TRPC4: variants seen among roughly 807,000 people sequenced by gnomAD.
TRPC4 encodes the protein transient receptor potential cation channel subfamily C member 4.
TRPC4 carries 49 observed loss-of-function variants against 99.4 expected under a neutral mutation model. The ratio of observed to expected loss-of-function variants is 0.49; its 90% CI spans 0.39 to 0.63. TRPC4 has a LOEUF of 0.63. Among genes scored for constraint, TRPC4 ranks in the 20% least tolerant of loss-of-function variants. TRPC4 has a pLI of 0.00. For synonymous variants in TRPC4, 454 were observed against 425.9 expected (o/e 1.07, Z -0.81); for missense variants, 898 against 1,152.9 (o/e 0.78, Z 3.20).
Position 37,633,415 on chromosome 13 carries a change from A to T in TRPC4, c.*3488T>A, listed in dbSNP as rs1728213227. Among the ~76,000 whole-genome samples the T allele has an allele frequency of 6.6e-6, 1 of 152,186 alleles. No homozygotes were observed. ...TACAATGCATGAGGACTAAGAATGGACAGATTTCAAAACTTGGTGGCCTCT... is the reference window on the plus strand; with the variant it reads ...TACAATGCATGAGGACTAAGAATGGTCAGATTTCAAAACTTGGTGGCCTCT... On this transcript the variant is annotated 3_prime_UTR_variant, in exon 11 of 11. Coordinates refer to ENST00000379705, the MANE Select transcript of TRPC4 (RefSeq NM_016179.4).
chr13:37,784,971 A>G (rs1009057041), intron 1 of TRPC4, among the ~76,000 whole-genome samples: 3 of 152,122 alleles, frequency 2.0e-5, no homozygotes, highest in African/African-American at 7.2e-5. Flanking sequence ...ACCTTCACAG[A>G]CTAAGCAAAA....
intron 2 of TRPC4, among the ~76,000 whole-genome samples, chr13:37,773,152 C>T (rs181087181): frequency 1.1e-3 from 170 of 151,812 alleles, no homozygotes; most frequent in African/African-American, 3.9e-3. Flanking sequence ...AAAGAACTCT[C>T]TATACTGCTT....
chr13:37,762,837 T>C lies in TRPC4; in HGVS notation c.379-16382A>G, dbSNP rs1956261165. 6.0e-5 allele frequency among the ~76,000 whole-genome samples: 9 copies of C among 150,994 alleles called. 1 individual carries two copies. In the South Asian group the frequency reaches 1.9e-3, roughly 32 times the overall value. The stretch of plus-strand genomic sequence containing the variant: ...ACATATGTAACTAACCTGCACATTG[T>C]GCACATGTACCCTAAAACTTAAAGT... On this transcript the variant is annotated intron_variant, in intron 2 of 10. Coordinates refer to ENST00000379705, the MANE Select transcript of TRPC4 (RefSeq NM_016179.4).
intron 1 of TRPC4, among the ~76,000 whole-genome samples, chr13:37,804,989 C>A (rs1448659372): frequency 6.6e-6 from 1 of 151,930 alleles, no homozygotes; most frequent in Non-Finnish European, 1.5e-5. Flanking sequence ...ATGATATTCT[C>A]AAATGGTTGA....
chr13:37,784,822 G>T (rs1956930572), intron 1 of TRPC4, among the ~76,000 whole-genome samples: 1 of 151,788 alleles, frequency 6.6e-6, no homozygotes, highest in Non-Finnish European at 1.5e-5. Context: ...AATTATCAAG[G>T]AATTAATTTT....
chr13:37,819,888 TA>T (rs1403618792), intron 1 of TRPC4, among the ~76,000 whole-genome samples: 1 of 145,690 alleles, frequency 6.9e-6, no homozygotes, highest in East Asian at 2.0e-4. Context: ...CTAGAGGAAC[TA>T]AAAAAACAAG....
At chr13:37,842,077 C>T (rs1440027803) in intron 1 of TRPC4, among the ~76,000 whole-genome samples, 1 of 151,816 alleles carries the variant, frequency 6.6e-6, no homozygotes, top group Non-Finnish European at 1.5e-5. Context: ...TGAGACCAGC[C>T]TGGCCAACAC....
At chr13:37,755,002 C>A (rs974020474) in intron 2 of TRPC4, among the ~76,000 whole-genome samples, 3 of 151,690 alleles carry the variant, frequency 2.0e-5, no homozygotes, top group Non-Finnish European at 4.4e-5. Flanking sequence ...TGTTTTTTGC[C>A]GTTAAAAGTA....
At chr13:37,675,449 G>C (rs1416662244) in intron 4 of TRPC4, among the ~76,000 whole-genome samples, 2 of 152,052 alleles carry the variant, frequency 1.3e-5, no homozygotes, top group African/African-American at 4.8e-5. Context: ...TAGAATCCCT[G>C]GGAGCCACAG....
chr13:37,685,608 A>AT (rs145688863), intron 4 of TRPC4, among the ~76,000 whole-genome samples: 6,015 of 146,666 alleles, frequency 0.041, 175 homozygotes, highest in Non-Finnish European at 0.062. Flanking sequence ...CAAGAATCTC[A>AT]TTTTTTTTTT....
chr13:37,722,821 A>C (rs895267154), intron 3 of TRPC4, among the ~76,000 whole-genome samples: 2 of 152,192 alleles, frequency 1.3e-5, no homozygotes, highest in African/African-American at 4.8e-5. Flanking sequence ...TGCATGAAAA[A>C]AAAAAGATGA....
chr13:37,710,024 A>G (rs768846709), intron 3 of TRPC4, among the ~76,000 whole-genome samples: 2 of 152,020 alleles, frequency 1.3e-5, no homozygotes, highest in Non-Finnish European at 2.9e-5. Flanking sequence ...CAAATAAGCA[A>G]TAAGATATTC....
chr13:37,705,426 A>G lies in TRPC4; in HGVS notation c.898-13091T>C, dbSNP rs183668371. Among the ~76,000 whole-genome samples the G allele has an allele frequency of 2.8e-3, 433 of 152,248 alleles. 2 individuals carry two copies. The highest frequency in any genetic ancestry group is 0.01 in the African/African-American group (423 of 41,558). On this transcript the variant is annotated intron_variant, in intron 3 of 10. Transcript: ENST00000379705. ...TGTATTATATTCTTGAAGATCATTG[A>G]GAGTATATTTTAAGTGTTATCACCA...
At chr13:37,694,636 T>A (rs909922960) in intron 3 of TRPC4, among the ~76,000 whole-genome samples, 17 of 152,350 alleles carry the variant, frequency 1.1e-4, no homozygotes, top group African/African-American at 3.8e-4. Flanking sequence ...TTATTTATTT[T>A]TTTTCTTAAA....
chr13:37,638,269 T>A (rs1951597658), intron 10 of TRPC4, among the ~76,000 whole-genome samples: 2 of 151,986 alleles, frequency 1.3e-5, no homozygotes, highest in African/African-American at 2.4e-5. Flanking sequence ...TAAAGCAACA[T>A]GAATCATTTA....
intron 3 of TRPC4, among the ~76,000 whole-genome samples, chr13:37,708,662 T>TAC (rs1449471612): frequency 2.7e-5 from 4 of 149,898 alleles, no homozygotes; most frequent in South Asian, 2.1e-4. Context: ...TGTATATATA[T>TAC]ACACACACAC....
intron 2 of TRPC4, among the ~76,000 whole-genome samples, chr13:37,748,997 C>A (rs79185739): frequency 0.1 from 15,638 of 152,106 alleles, 903 homozygotes; most frequent in Admixed American, 0.17. Context: ...CTCATGTATA[C>A]AGGGATATAG....
chr13:37,770,549 A>G (rs1956521089), intron 2 of TRPC4, among the ~76,000 whole-genome samples: 1 of 151,612 alleles, frequency 6.6e-6, no homozygotes, highest in Non-Finnish European at 1.5e-5. Context: ...TAAATTTAGC[A>G]TAAAAGCACC....
intron 2 of TRPC4, among the ~76,000 whole-genome samples, chr13:37,772,859 G>C (rs1407868293): frequency 7.3e-5 from 11 of 151,614 alleles, no homozygotes; most frequent in African/African-American, 2.7e-4. Context: ...CCGCCCAACA[G>C]GGTAATATTG....
Sources: allele counts gnomAD v4.1 joint callset (sites outside exome capture counted in the v4.1 genomes callset), GRCh38; gene constraint gnomAD v4.1.1; transcripts MANE v1.5; gene names NCBI Gene and HGNC (gene_info 2026-07-23, HGNC 2026-07-21).